Variants in AKAP13 observed in about 807,000 individuals in gnomAD.
AKAP13 encodes A-kinase anchoring protein 13, also known as A-kinase anchor protein 13.
Under a neutral mutation model 264.5 loss-of-function variants are expected in AKAP13, and 80 were observed. The ratio of observed to expected loss-of-function variants is 0.30; its 90% confidence interval spans 0.25 to 0.36. AKAP13 has a LOEUF of 0.36. Among genes scored for constraint, AKAP13 ranks in the 10% least tolerant of loss-of-function variants. The pLI, the probability that AKAP13 is intolerant of heterozygous loss-of-function variation, is 1.00. For missense variants in AKAP13, 3,712 were observed against 3,435.2 expected (o/e 1.08, Z -2.01); for synonymous variants, 1,380 against 1,250.2 (o/e 1.10, Z -2.19).
intron 5 of AKAP13, among the ~76,000 whole-genome samples, chr15:85,558,674 T>G (rs1478464471): frequency 6.6e-6 from 1 of 152,252 alleles, no homozygotes; most frequent in Non-Finnish European, 1.5e-5. Flanking sequence ...GTTAATCAGC[T>G]GATTTTAACG....
At chr15:85,600,212 G>A (rs942247449) in intron 8 of AKAP13, among the ~76,000 whole-genome samples, 2 of 151,820 alleles carry the variant, frequency 1.3e-5, no homozygotes, top group African/African-American at 4.8e-5. Context: ...TATGGCAACA[G>A]CTGTGTAAAG....
chr15:85,532,460 A>G (rs1450821951), intron 3 of AKAP13, among the ~76,000 whole-genome samples: 1 of 152,200 alleles, frequency 6.6e-6, no homozygotes, highest in Non-Finnish European at 1.5e-5. Flanking sequence ...TTAGAGATTC[A>G]GGGAAGTGGC....
intron 1 of AKAP13, among the ~76,000 whole-genome samples, chr15:85,418,842 C>T (rs1293478464): frequency 1.3e-5 from 2 of 152,152 alleles, no homozygotes; most frequent in African/African-American, 4.8e-5. Context: ...ATAATAAAGA[C>T]CACAAGTGGC....
chr15:85,584,928 A>C (rs1204935092), intron 7 of AKAP13, among the ~76,000 whole-genome samples: 2 of 152,196 alleles, frequency 1.3e-5, no homozygotes, highest in Non-Finnish European at 2.9e-5. Flanking sequence ...CGTTTAAAGA[A>C]GTGTCAGAAG....
intron 8 of AKAP13, among the ~76,000 whole-genome samples, chr15:85,614,465 A>G (rs1299724663): frequency 1.3e-5 from 2 of 152,240 alleles, no homozygotes; most frequent in East Asian, 3.8e-4. Flanking sequence ...GTGGAATGTC[A>G]AATATTGAAA....
chr15:85,607,576 TAACCACGATG>T (rs1429173305), intron 8 of AKAP13, among the ~76,000 whole-genome samples: 2 of 152,334 alleles, frequency 1.3e-5, no homozygotes, highest in South Asian at 2.1e-4. Context: ...TTCATGCTTT[TAACCACGATG>T]CTAGCTTAAT....
In AKAP13 at chr15:85,655,491, A is replaced by G; in HGVS notation, c.4449A>G (p.Arg1483=). Residue 1483 remains arginine, a synonymous_variant, in exon 11 of 37, where the codon CGA becomes CGG. Coordinates refer to ENST00000394518, the MANE Select transcript of AKAP13 (RefSeq NM_007200.5). The stretch of plus-strand genomic sequence containing the variant: ...CCGATGACACGGCTTCACTGGACCG[A>G]CATTCTTCTCATGGCAGTGATGTGT... ...SSTDDTASLD[R]HSSHGSDVSL... The G allele has an allele frequency of 6.2e-7, 1 of 1,614,214 alleles. No homozygotes were observed. Among genetic ancestry groups the G allele is most frequent in the East Asian group, 2.2e-5 (1 of 44,888 alleles).
chr15:85,564,157 A>G (rs865859628), intron 5 of AKAP13, among the ~76,000 whole-genome samples: 3 of 152,208 alleles, frequency 2.0e-5, no homozygotes, highest in African/African-American at 7.2e-5. Flanking sequence ...CCCTACCTTT[A>G]GTAAGTAATA....
rs140113858 is a variant in AKAP13 at position 85,729,665 on chromosome 15, G to A, written c.7088-848G>A. ...AAAGAAGACAGCTCAGGCCAGGTGC[G>A]GTGGCTCACACCTGTAATCCCAGCA... On this transcript the variant is annotated intron_variant, in intron 29 of 36. Transcript: ENST00000394518. Among the ~76,000 whole-genome samples the A allele has an allele frequency of 1.2e-3, 181 of 152,204 alleles. 1 individual carries two copies. Among genetic ancestry groups the A allele is most frequent in the Middle Eastern group, 6.8e-3 (2 of 294 alleles).
chr15:85,512,069 A>G (rs902849703), intron 2 of AKAP13, among the ~76,000 whole-genome samples: 1 of 150,942 alleles, frequency 6.6e-6, no homozygotes, highest in African/African-American at 2.4e-5. Flanking sequence ...TTCGTCGCCT[A>G]CACAGGTTCA....
intron 8 of AKAP13, among the ~76,000 whole-genome samples, chr15:85,609,723 T>C (rs2080516373): frequency 1.3e-5 from 2 of 152,230 alleles, no homozygotes; most frequent in Non-Finnish European, 2.9e-5. Context: ...GTCCCTTGCA[T>C]GAATCTGATG....
At chr15:85,522,334 A>G (rs574517978) in intron 3 of AKAP13, among the ~76,000 whole-genome samples, 2 of 152,276 alleles carry the variant, frequency 1.3e-5, no homozygotes, top group East Asian at 3.9e-4. Context: ...ATATCTAGAA[A>G]GGGCATATAA....
At chr15:85,483,254 G>C (rs986812841) in intron 1 of AKAP13, among the ~76,000 whole-genome samples, 1 of 152,190 alleles carries the variant, frequency 6.6e-6, no homozygotes, top group Non-Finnish European at 1.5e-5. Flanking sequence ...TCTAATCCAG[G>C]CTTGTCCAAA....
intron 2 of AKAP13, among the ~76,000 whole-genome samples, chr15:85,496,700 C>G (rs937540624): frequency 1.3e-5 from 2 of 152,180 alleles, no homozygotes; most frequent in Non-Finnish European, 2.9e-5. Flanking sequence ...ATACATTTTG[C>G]TTATACAAAG....
At chr15:85,429,837 T>C (rs1480585425) in intron 1 of AKAP13, among the ~76,000 whole-genome samples, 1 of 152,224 alleles carries the variant, frequency 6.6e-6, no homozygotes, top group Non-Finnish European at 1.5e-5. Context: ...GGATAATCTT[T>C]TATTTCTTTA....
At chr15:85,401,412 A>T (rs995673974) in intron 1 of AKAP13, among the ~76,000 whole-genome samples, 1 of 152,146 alleles carries the variant, frequency 6.6e-6, no homozygotes, top group Non-Finnish European at 1.5e-5. Flanking sequence ...CAGAATTTTT[A>T]TAGACCTCCC....
At chr15:85,733,873 C>CTTTTTTTTTTTTTTTTTT (rs72092500) in intron 30 of AKAP13, among the ~76,000 whole-genome samples, 4 of 82,590 alleles carry the variant, frequency 4.8e-5, no homozygotes, top group South Asian at 4.0e-4. Context: ...TCTTTCTTTT[C>CTTTTTTTTTTTTTTTTTT]TTTTTTTTTT....
intron 23 of AKAP13, among the ~76,000 whole-genome samples, chr15:85,720,162 A>T (rs982068690): frequency 6.6e-6 from 1 of 151,880 alleles, no homozygotes; most frequent in East Asian, 1.9e-4. Flanking sequence ...TGAGCCTAGG[A>T]GTTCAAAGTT....
Position 85,580,256 on chromosome 15 carries a change from G to C in AKAP13, c.2188G>C (p.Asp730His), listed in dbSNP as rs1157855266. Residue 730 changes from aspartate (D) to histidine (H), a missense_variant, in exon 7 of 37, where the codon GAT becomes CAT. By Grantham distance (81) the Asp-to-His change is moderately conservative. Around this residue, in one of 3 missense-constraint regions of AKAP13, gnomAD observed 2,759 missense variants for 2,411.7 expected, o/e 1.14. Coordinates refer to ENST00000394518, the MANE Select transcript of AKAP13 (RefSeq NM_007200.5). ...DPVRDTQERA[D>H]FCPFKVVDNK... ...TGTAAGGGATACCCAGGAACGTGCG[G>C]ATTTTTGTCCTTTCAAAGTGGTGGA... The C allele has an allele frequency of 1.2e-6, 2 of 1,614,090 alleles. No individual in the cohort carries two copies. Among genetic ancestry groups the C allele is most frequent in the Non-Finnish European group, 1.7e-6 (2 of 1,180,042 alleles).
Sources: allele counts gnomAD v4.1 joint callset (sites outside exome capture counted in the v4.1 genomes callset), GRCh38; gene constraint gnomAD v4.1.1; regional missense constraint gnomAD v4.1.1; transcripts MANE v1.5; gene names NCBI Gene and HGNC (gene_info 2026-07-23, HGNC 2026-07-21).